Variants in HCN1 observed in about 807,000 individuals in gnomAD.
HCN1 encodes hyperpolarization activated cyclic nucleotide gated potassium channel 1, also known as potassium/sodium hyperpolarization-activated cyclic nucleotide-gated channel 1.
HCN1 carries 13 observed loss-of-function variants against 78.9 expected under a neutral mutation model. That is an observed-to-expected ratio of 0.16 (90% CI 0.11 to 0.26). The LOEUF is 0.26. Ranked by LOEUF, HCN1 falls within the 10% of genes least tolerant of loss-of-function variation. HCN1 has a pLI of 1.00. For synonymous variants in HCN1, 552 were observed against 455.5 expected (o/e 1.21, Z -2.70); for missense variants, 810 against 1,154.3 (o/e 0.70, Z 4.32).
intron 2 of HCN1, among the ~76,000 whole-genome samples, chr5:45,466,013 C>T (rs1224384400): frequency 6.6e-6 from 1 of 152,074 alleles, no homozygotes; most frequent in Non-Finnish European, 1.5e-5. Context: ...CTGAAAAATG[C>T]TCTAGGATAT....
At chr5:45,472,986 C>A (rs1741424188) in intron 2 of HCN1, among the ~76,000 whole-genome samples, 1 of 151,802 alleles carries the variant, frequency 6.6e-6, no homozygotes, top group Non-Finnish European at 1.5e-5. Flanking sequence ...CATTGTCTTA[C>A]TCTCTCTGAA....
intron 2 of HCN1, among the ~76,000 whole-genome samples, chr5:45,594,563 G>A (rs1007337119): frequency 3.9e-5 from 6 of 152,086 alleles, no homozygotes; most frequent in South Asian, 2.1e-4. Flanking sequence ...CTGATTTTTA[G>A]GTTATTGAAT....
chr5:45,361,376 T>C (rs762697675), intron 4 of HCN1, among the ~76,000 whole-genome samples: 10 of 150,412 alleles, frequency 6.6e-5, no homozygotes, highest in Non-Finnish European at 1.5e-4. Flanking sequence ...GATTTCACCA[T>C]GTTGGTCAGA....
intron 4 of HCN1, among the ~76,000 whole-genome samples, chr5:45,354,130 A>T (rs1428571677): frequency 6.6e-6 from 1 of 151,908 alleles, no homozygotes; most frequent in East Asian, 1.9e-4. Flanking sequence ...CATGGATATT[A>T]CCTGGGTGCC....
intron 2 of HCN1, among the ~76,000 whole-genome samples, chr5:45,494,170 C>T (rs1400676123): frequency 1.3e-5 from 2 of 152,180 alleles, no homozygotes; most frequent in Non-Finnish European, 2.9e-5. Flanking sequence ...CCTGAGGAAT[C>T]GCCACACTGA....
intron 3 of HCN1, among the ~76,000 whole-genome samples, chr5:45,428,892 C>T (rs577417205): frequency 1.5e-4 from 23 of 151,760 alleles, no homozygotes; most frequent in Admixed American, 8.5e-4. Flanking sequence ...CATATGTAAT[C>T]GGAAAAGTGC....
chr5:45,325,772 G>T (rs1451568727), intron 5 of HCN1, among the ~76,000 whole-genome samples: 1 of 151,626 alleles, frequency 6.6e-6, no homozygotes, highest in East Asian at 2.0e-4. Context: ...CTGCTTCAAT[G>T]TCTTAATTTT....
At chr5:45,395,433 A>G (rs1459397661) in intron 4 of HCN1, among the ~76,000 whole-genome samples, 3 of 152,170 alleles carry the variant, frequency 2.0e-5, no homozygotes, top group African/African-American at 7.2e-5. Context: ...TCTTTTCATT[A>G]CTTCAGTAAT....
intron 4 of HCN1, among the ~76,000 whole-genome samples, chr5:45,382,767 C>T (rs545898136): frequency 6.6e-6 from 1 of 152,224 alleles, no homozygotes; most frequent in African/African-American, 2.4e-5. Flanking sequence ...GTACATTTCC[C>T]TTTCTGAATT....
intron 2 of HCN1, among the ~76,000 whole-genome samples, chr5:45,539,436 G>A (rs1036795399): frequency 1.3e-5 from 2 of 151,254 alleles, no homozygotes; most frequent in Non-Finnish European, 2.9e-5. Flanking sequence ...GCCGAGGTGG[G>A]CGGATCACGA....
intron 5 of HCN1, among the ~76,000 whole-genome samples, chr5:45,342,306 T>G (rs1204760297): frequency 6.6e-6 from 1 of 151,704 alleles, no homozygotes; most frequent in Non-Finnish European, 1.5e-5. Flanking sequence ...CTCAACTCAC[T>G]GCAACCTCTG....
chr5:45,406,335 T>A (rs6899193), intron 3 of HCN1, among the ~76,000 whole-genome samples: 1,602 of 152,288 alleles, frequency 0.011, 26 homozygotes, highest in African/African-American at 0.037. Context: ...TATGCAAGCA[T>A]ATATGCATTA....
chr5:45,586,673 C>T (rs1165705702), intron 2 of HCN1, among the ~76,000 whole-genome samples: 1 of 152,020 alleles, frequency 6.6e-6, no homozygotes, highest in East Asian at 1.9e-4. Context: ...CTCCTCCCTC[C>T]TATTGTTGTT....
At chr5:45,510,752 A>G (rs1352998348) in intron 2 of HCN1, among the ~76,000 whole-genome samples, 1 of 152,084 alleles carries the variant, frequency 6.6e-6, no homozygotes, top group Non-Finnish European at 1.5e-5. Flanking sequence ...TGGGCAAAAG[A>G]AGAAAGGAGT....
intron 3 of HCN1, among the ~76,000 whole-genome samples, chr5:45,436,699 T>G (rs1237261539): frequency 1.3e-5 from 2 of 152,174 alleles, no homozygotes; most frequent in African/African-American, 2.4e-5. Flanking sequence ...TGACAAGGCC[T>G]TTGAAGGACT....
intron 3 of HCN1, among the ~76,000 whole-genome samples, chr5:45,458,442 C>A (rs1008638831): frequency 2.6e-5 from 4 of 152,028 alleles, no homozygotes; most frequent in African/African-American, 9.7e-5. Context: ...CTGCATATAT[C>A]CTGGCCTGGC....
intron 3 of HCN1, among the ~76,000 whole-genome samples, chr5:45,426,019 T>C (rs1050624189): frequency 1.3e-5 from 2 of 152,152 alleles, no homozygotes; most frequent in African/African-American, 2.4e-5. Context: ...AGATAGGTAC[T>C]AGGTATATAT....
intron 2 of HCN1, among the ~76,000 whole-genome samples, chr5:45,580,088 T>G (rs1398274570): frequency 6.6e-6 from 1 of 152,090 alleles, no homozygotes; most frequent in Non-Finnish European, 1.5e-5. Context: ...TTCAGAAGGC[T>G]GAATATATTG....
intron 2 of HCN1, among the ~76,000 whole-genome samples, chr5:45,486,071 G>A (rs1741757156): frequency 6.6e-6 from 1 of 152,144 alleles, no homozygotes; most frequent in African/African-American, 2.4e-5. Flanking sequence ...CATACTAAGT[G>A]ATGCATGTAA....
Sources: gnomAD v4.1 joint callset for allele counts (sites outside exome capture counted in the v4.1 genomes callset) on GRCh38, gnomAD v4.1.1 for gene constraint, MANE v1.5 for transcripts, NCBI Gene and HGNC (gene_info 2026-07-23, HGNC 2026-07-21) for gene names.